Variants in USH2A observed in about 807,000 individuals in gnomAD.
USH2A encodes the protein usherin, also known as Usher syndrome 2A (autosomal recessive, mild).
Under a neutral mutation model 538.9 loss-of-function variants are expected in USH2A, and 443 were observed. The observed-to-expected ratio is 0.82, with a 90% CI of 0.76 to 0.89. USH2A has a LOEUF of 0.89. Ranked by LOEUF, USH2A falls within the 40% of genes least tolerant of loss-of-function variation. The probability of loss-of-function intolerance (pLI) is 0.00; values close to 1 mark genes in which losing one functional copy is unlikely to be tolerated. For missense variants in USH2A, 6,633 were observed against 6,324.8 expected (o/e 1.05, Z -1.65); for synonymous variants, 2,413 against 2,273.5 (o/e 1.06, Z -1.75).
At position 215,788,443 on chromosome 1, in the gene USH2A, T is replaced by C. The variant is rs2102768417; in HGVS notation, c.10183-1569A>G. Among the ~76,000 whole-genome samples the C allele has an allele frequency of 2.0e-5, 3 of 152,238 alleles. No homozygotes were observed. In the Middle Eastern group the frequency reaches 0.01, roughly 518 times the overall value. ...GGGCTGCATGAAGCATCACAAGATG[T>C]AAGGGGCTTCGGTTCTAGAGATGTT... On this transcript the variant is annotated intron_variant, in intron 51 of 71. Coordinates refer to ENST00000307340, the MANE Select transcript of USH2A (RefSeq NM_206933.4).
chr1:216,051,330 T>C (rs537807836), intron 30 of USH2A, among the ~76,000 whole-genome samples: 23 of 152,312 alleles, frequency 1.5e-4, no homozygotes, highest in African/African-American at 4.3e-4. Flanking sequence ...TAAATAATTA[T>C]GTAAGCTTCA....
chr1:216,401,635 A>G (rs958729100), intron 3 of USH2A, among the ~76,000 whole-genome samples: 2 of 152,114 alleles, frequency 1.3e-5, no homozygotes, highest in Non-Finnish European at 2.9e-5. Flanking sequence ...TAATCAAAAG[A>G]AAAAAGGAAT....
intron 37 of USH2A, among the ~76,000 whole-genome samples, chr1:215,947,841 T>C (rs1666795845): frequency 6.6e-6 from 1 of 152,236 alleles, no homozygotes; most frequent in Non-Finnish European, 1.5e-5. Flanking sequence ...AGTTTGATGG[T>C]ATCATAATTA....
chr1:215,629,848 T>A (rs992148565), intron 70 of USH2A, among the ~76,000 whole-genome samples: 7 of 147,984 alleles, frequency 4.7e-5, no homozygotes, highest in Non-Finnish European at 8.9e-5. Context: ...CAATCTCGGC[T>A]CACTGCAAGC....
rs747778052 is a variant in USH2A at position 216,418,668 on chromosome 1, T to C, written c.497A>G (p.Glu166Gly). The change falls in exon 3 of 72, where the codon GAA (glutamate) becomes GGA (glycine). Residue 166 changes from glutamate (E) to glycine (G), a missense_variant. Physicochemically the swap from Glu to Gly is moderately conservative, Grantham distance 98. Transcript: ENST00000307340. ...PEQQGVMCVIEKTVDGQIVFK... is the reference protein window; with the variant it reads ...PEQQGVMCVIGKTVDGQIVFK... The stretch of plus-strand genomic sequence containing the variant: ...CACAATCTGCCCATCTACTGTCTTT[T>C]CTATAACACACCTTAGGAAGCAACC... 1 of 1,612,980 alleles carries C rather than the reference T, an allele frequency of 6.2e-7. No individual in the cohort carries two copies. Among genetic ancestry groups the C allele is most frequent in the Non-Finnish European group, 8.5e-7 (1 of 1,179,358 alleles).
At chr1:215,642,582 T>C (rs1255179262) in intron 67 of USH2A, among the ~76,000 whole-genome samples, 6 of 152,240 alleles carry the variant, frequency 3.9e-5, no homozygotes, top group African/African-American at 1.2e-4. Flanking sequence ...AAATAAATTA[T>C]ATTAAAACAA....
At chr1:216,059,613 T>C (rs1409022400) in intron 30 of USH2A, among the ~76,000 whole-genome samples, 6 of 152,328 alleles carry the variant, frequency 3.9e-5, no homozygotes, top group South Asian at 2.1e-4. Flanking sequence ...TTCCAAAATA[T>C]GTAGTTGAAT....
intron 40 of USH2A, among the ~76,000 whole-genome samples, chr1:215,894,053 GTCT>G (rs1399136380): frequency 1.3e-5 from 2 of 152,018 alleles, no homozygotes; most frequent in East Asian, 3.9e-4. Context: ...TTGATCATGG[GTCT>G]TCTGTTCTAT....
intron 61 of USH2A, among the ~76,000 whole-genome samples, chr1:215,724,978 A>G (rs1659768977): frequency 6.6e-6 from 1 of 152,154 alleles, no homozygotes; most frequent in Non-Finnish European, 1.5e-5. Flanking sequence ...GTCTGAGATA[A>G]AAGAAACATT....
chr1:216,375,003 T>C (rs1014527599), intron 3 of USH2A, among the ~76,000 whole-genome samples: 1 of 152,182 alleles, frequency 6.6e-6, no homozygotes, highest in Non-Finnish European at 1.5e-5. Flanking sequence ...CTCCCCTCAG[T>C]GGATGGCTGT....
chr1:216,322,108 G>T, intron 8 of USH2A, 132 bp from the exon 9 acceptor site: 3 of 873,994 alleles, frequency 3.4e-6, no homozygotes, highest in Non-Finnish European at 3.8e-6. Flanking sequence ...TACAAAATCA[G>T]TTTCTCCTTA....
At position 216,062,633 on chromosome 1, in the gene USH2A, A is replaced by G. The variant is rs560787470; in HGVS notation, c.6049+7468T>C. Among the ~76,000 whole-genome samples the G allele has an allele frequency of 7.2e-5, 11 of 152,326 alleles. No individual in the cohort carries two copies. In the East Asian group the frequency reaches 2.1e-3, roughly 29 times the overall value. On this transcript the variant is annotated intron_variant, in intron 30 of 71. Coordinates refer to ENST00000307340, the MANE Select transcript of USH2A (RefSeq NM_206933.4). ...GGTTTTCATCCCCAATTTATGAATG[A>G]GGAAACTCCAATGTAAGGATATGTT...
chr1:216,217,770 G>A (rs2035372284), intron 14 of USH2A, among the ~76,000 whole-genome samples: 2 of 151,886 alleles, frequency 1.3e-5, no homozygotes, highest in African/African-American at 2.4e-5. Context: ...CCCGTATAAA[G>A]CTTTCTCTTT....
chr1:215,806,274 T>G (rs955243494), intron 49 of USH2A, among the ~76,000 whole-genome samples: 4 of 149,630 alleles, frequency 2.7e-5, no homozygotes, highest in Non-Finnish European at 4.4e-5. Context: ...TATTTTTTGT[T>G]TAGTAATTCC....
intron 32 of USH2A, among the ~76,000 whole-genome samples, chr1:216,040,174 G>A (rs762142818): frequency 4.0e-5 from 6 of 151,704 alleles, no homozygotes; most frequent in African/African-American, 7.3e-5. Context: ...AACAGCAGTG[G>A]GAAGACACTA....
intron 21 of USH2A, among the ~76,000 whole-genome samples, chr1:216,117,304 T>C (rs1036182708): frequency 6.6e-6 from 1 of 152,164 alleles, no homozygotes; most frequent in African/African-American, 2.4e-5. Flanking sequence ...AATACTAAGA[T>C]TCCAATAATG....
At position 215,912,175 on chromosome 1, in the gene USH2A, C is replaced by T. The variant is rs1040485429; in HGVS notation, c.7301-11270G>A. Among the ~76,000 whole-genome samples the T allele has an allele frequency of 3.3e-5, 5 of 151,936 alleles. No homozygotes were observed. The East Asian group carries it at 5.8e-4, about 18-fold the overall frequency. On this transcript the variant is annotated intron_variant, in intron 38 of 71. Transcript: ENST00000307340. ...GTTCCTTCACTTCGTTGATTGCATC[C>T]TTTGCTGTACAGAAGATTTTTAACC...
intron 18 of USH2A, among the ~76,000 whole-genome samples, 172 bp from the exon 19 acceptor site, chr1:216,196,894 A>T (rs2034859379): frequency 6.6e-6 from 1 of 152,206 alleles, no homozygotes; most frequent in Non-Finnish European, 1.5e-5. Flanking sequence ...TTCACTTTTT[A>T]AAATGTTATC....
chr1:215,862,964 T>C (rs1225084360), intron 44 of USH2A, among the ~76,000 whole-genome samples: 1 of 152,128 alleles, frequency 6.6e-6, no homozygotes, highest in Non-Finnish European at 1.5e-5. Context: ...ATTAGAAGAA[T>C]TTGAAACCTT....
Sources: allele counts gnomAD v4.1 joint callset (sites outside exome capture counted in the v4.1 genomes callset), GRCh38; gene constraint gnomAD v4.1.1; transcripts MANE v1.5; gene names NCBI Gene and HGNC (gene_info 2026-07-23, HGNC 2026-07-21).